Variants in TCOF1 observed in about 807,000 individuals in gnomAD.
TCOF1 encodes treacle ribosome biogenesis factor 1.
A neutral mutation model predicts 149.0 loss-of-function variants in TCOF1; 33 were observed. The observed-to-expected ratio is 0.22, with a 90% CI of 0.17 to 0.30. TCOF1 has a LOEUF of 0.30. TCOF1 is among the 10% of genes least tolerant of loss of function. TCOF1 has a pLI of 1.00. For missense variants in TCOF1, 1,728 were observed against 1,840.7 expected (o/e 0.94, Z 1.12); for synonymous variants, 789 against 738.8 (o/e 1.07, Z -1.10).
At chr5:150,367,995 A>G (rs1226798751) in intron 4 of TCOF1, 78 bp downstream of exon 4, 1 of 1,531,824 alleles carries the variant, frequency 6.5e-7, no homozygotes, top group African/African-American at 1.4e-5. Flanking sequence ...ATGTCAGAGA[A>G]GGATAGGGTT....
chr5:150,363,631 A>G (rs1760661000), intron 2 of TCOF1, among the ~76,000 whole-genome samples: 1 of 152,226 alleles, frequency 6.6e-6, no homozygotes, highest in South Asian at 2.1e-4. Flanking sequence ...GAGAAAAGCT[A>G]TGAAGAAAAT....
intron 17 of TCOF1, chr5:150,383,635 A>T: frequency 8.3e-7 from 1 of 1,205,820 alleles, no homozygotes; most frequent in Non-Finnish European, 1.2e-6. Flanking sequence ...ATCAAGCCTT[A>T]GAGTTGAAGC....
At chr5:150,385,241 T>C (rs1244613114) in intron 17 of TCOF1, among the ~76,000 whole-genome samples, 1 of 152,204 alleles carries the variant, frequency 6.6e-6, no homozygotes, top group Admixed American at 6.5e-5. Flanking sequence ...AAGTTTTAGG[T>C]TGAATCAAAG....
chr5:150,396,736 G>A lies in TCOF1; in HGVS notation c.4239G>A (p.Gly1413=), dbSNP rs1190267515. The change falls in exon 24 of 27, where the codon GGG becomes GGA. Residue 1413 remains glycine, a synonymous_variant. Transcript: ENST00000643257. ...GGAAGGGGTCTCTTGGCTCCCAAGG[G>A]GCCAAGGACGAGCCAGAAGAGGAGC... ...KKGKGSLGSQ[G]AKDEPEEELQ... The A allele has an allele frequency of 6.2e-7, 1 of 1,612,374 alleles. No individual in the cohort carries two copies.
At chr5:150,369,669 G>A in intron 6 of TCOF1, 67 bp downstream of exon 6, 5 of 1,543,712 alleles carry the variant, frequency 3.2e-6, no homozygotes, top group Non-Finnish European at 3.6e-6. Flanking sequence ...ACCTGTCTGG[G>A]GCTTCAGACA....
At chr5:150,392,673 G>A in intron 21 of TCOF1, 32 bp from the exon 22 acceptor site, 9 of 1,612,352 alleles carry the variant, frequency 5.6e-6, no homozygotes, top group Non-Finnish European at 7.6e-6. Context: ...GGGGCCACCT[G>A]GGGCTACCAA....
chr5:150,397,390 C>T (rs572101529), intron 24 of TCOF1, among the ~76,000 whole-genome samples: 1 of 152,254 alleles, frequency 6.6e-6, no homozygotes, highest in East Asian at 1.9e-4. Context: ...TGTCAGAATC[C>T]TCATCCCAAA....
intron 17 of TCOF1, chr5:150,384,150 T>A (rs770675585): frequency 4.9e-5 from 52 of 1,068,548 alleles, no homozygotes; most frequent in Admixed American, 3.4e-4. Context: ...TATCAATTCA[T>A]CAGTAAGGTC....
Position 150,379,554 on chromosome 5 carries a change from A to T in TCOF1, c.2681A>T (p.His894Leu). ...LAQVKPSGKT[H>L]QIRAALAPAK... ...CAGGTGAAGCCTTCAGGGAAGACCC[A>T]CCAGATCAGAGCTGCCTTGGCTCCT... The change falls in exon 17 of 27, where the codon CAC becomes CTC. Residue 894 changes from histidine (H) to leucine (L), a missense_variant. By Grantham distance (99) the His-to-Leu change is moderately conservative (BLOSUM62 -3). Transcript: ENST00000643257. 6.2e-7 allele frequency: 1 copy of T among 1,614,162 alleles called. No individual in the cohort carries two copies. The highest frequency in any genetic ancestry group is 8.5e-7 in the Non-Finnish European group (1 of 1,180,030).
At chr5:150,383,280 C>A in intron 17 of TCOF1, 1 of 851,164 alleles carries the variant, frequency 1.2e-6, no homozygotes, top group Non-Finnish European at 1.8e-6. Flanking sequence ...CATATTTAAA[C>A]AGCACCTCAC....
rs1340270324 is a variant in TCOF1, at chr5:150,369,547, A to G, written c.584A>G (p.Gln195Arg). Residue 195 changes from glutamine (Q) to arginine (R), a missense_variant, in exon 6 of 27, where the codon CAG becomes CGG. Physicochemically the swap from Gln to Arg is conservative, Grantham distance 43. Transcript: ENST00000643257. ...TCCTCAGGGATGGTGTCAGCGGGCC[A>G]GGCCGACAGCTCCAGCGAGGACACC... ...AAKPGMVSAG[Q>R]ADSSSEDTSS... The G allele has an allele frequency of 1.2e-6, 2 of 1,614,028 alleles. No homozygotes were observed. The highest frequency in any genetic ancestry group is 1.7e-6 in the Non-Finnish European group (2 of 1,180,032).
At chr5:150,388,190 TGGTC>T in intron 18 of TCOF1, 102 bp downstream of exon 18, 2 of 1,514,818 alleles carry the variant, frequency 1.3e-6, no homozygotes, top group South Asian at 1.2e-5. Flanking sequence ...AGCAAGGTGT[TGGTC>T]GGGAGGGGCT....
chr5:150,376,354 G>A (rs1410901848), intron 13 of TCOF1, 24 bp downstream of exon 13: 1 of 1,614,018 alleles, frequency 6.2e-7, no homozygotes, highest in Non-Finnish European at 8.5e-7. Context: ...TTTCTGGGCG[G>A]GCCTCAGGGC....
Position 150,357,765 on chromosome 5 carries a change from C to G in TCOF1, c.19C>G (p.Arg7Gly), listed in dbSNP as rs1378600989. MAEARKRRELLPLIYHH... is the reference protein window; with the variant it reads MAEARKGRELLPLIYHH... ...CGCGGGTATGGCCGAGGCCAGGAAG[C>G]GGCGGGAGCTACTTCCCCTGATCTA... The change falls in exon 1 of 27, where the codon CGG becomes GGG. Residue 7 changes from arginine (R) to glycine (G), a missense_variant. Around this residue, in one of 2 missense-constraint regions of TCOF1, gnomAD observed 32 missense variants for 75.3 expected, o/e 0.43. Transcript: ENST00000643257. 1.9e-6 allele frequency: 3 copies of G among 1,549,286 alleles called. No individual in the cohort carries two copies. The highest frequency in any genetic ancestry group is 2.6e-6 in the Non-Finnish European group (3 of 1,146,532).
chr5:150,374,337 A>G lies in TCOF1; in HGVS notation c.1034A>G (p.Glu345Gly), dbSNP rs150637771. 272 of 1,567,698 alleles carry G rather than the reference A, an allele frequency of 1.7e-4. 1 individual carries two copies. In the African/African-American group the frequency reaches 3.4e-3, roughly 20 times the overall value. Residue 345 changes from glutamate (E) to glycine (G), a missense_variant, in exon 8 of 27, where the codon GAG (glutamate) becomes GGG (glycine). By Grantham distance (98) the Glu-to-Gly change is moderately conservative. Around this residue, in one of 2 missense-constraint regions of TCOF1, gnomAD observed 1,696 missense variants for 1,765.4 expected, o/e 0.96. Transcript: ENST00000643257. The stretch of plus-strand genomic sequence containing the variant: ...GAGGACTCAGAGAGCAGCAGCGAGG[A>G]GTCATCTGACAGTGAGGAGGAGACG... ...PEEDSESSSE[E>G]SSDSEEETPA... is the part of the protein sequence containing the mutation.
intron 17 of TCOF1, chr5:150,380,426 A>T (rs1411719809): frequency 6.5e-6 from 1 of 154,812 alleles, no homozygotes; most frequent in Non-Finnish European, 1.4e-5. Context: ...GGAAGCTTGG[A>T]GTGTGGCACA....
chr5:150,361,079 T>A lies in TCOF1; in HGVS notation c.109-77T>A. 1.9e-6 allele frequency: 3 copies of A among 1,592,346 alleles called. No homozygotes were observed. In the South Asian group the frequency reaches 3.3e-5, roughly 18 times the overall value. ...ACCACCTGTCTATACAAGTCATGAG[T>A]TTGGGGAGATCTGGGCCCAAGAAGG... On this transcript the variant is annotated intron_variant, in intron 1 of 26. Coordinates refer to ENST00000643257, the MANE Select transcript of TCOF1 (RefSeq NM_001371623.1).
At chr5:150,383,673 A>C in intron 17 of TCOF1, 1 of 1,492,450 alleles carries the variant, frequency 6.7e-7, no homozygotes, top group Non-Finnish European at 9.1e-7. Context: ...ATGATTCATA[A>C]GAGGCTGAGG....
chr5:150,389,881 T>C lies in TCOF1; in HGVS notation c.3047-6T>C. 6.2e-7 allele frequency: 1 copy of C among 1,614,212 alleles called. No homozygotes were observed. Reference sequence around the variant, plus strand: ...CCTGATGTGCCCCCATCTCGCTCCATTTCAGGCATCAGAACCAATGTGGTG... The same window carrying C: ...CCTGATGTGCCCCCATCTCGCTCCACTTCAGGCATCAGAACCAATGTGGTG... On this transcript the variant is annotated splice_region_variant and splice_polypyrimidine_tract_variant and intron_variant, in intron 18 of 26. Transcript: ENST00000643257.
Sources: gnomAD v4.1 joint callset for allele counts (sites outside exome capture counted in the v4.1 genomes callset) on GRCh38, gnomAD v4.1.1 for gene constraint, gnomAD v4.1.1 regional missense constraint, MANE v1.5 for transcripts, NCBI Gene and HGNC (gene_info 2026-07-23, HGNC 2026-07-21) for gene names.